RNF24: variants seen among roughly 807,000 people sequenced by gnomAD.
RNF24 encodes the protein ring finger protein 24.
A neutral mutation model predicts 20.0 loss-of-function variants in RNF24; 14 were observed. The ratio of observed to expected loss-of-function variants is 0.70; its 90% CI spans 0.46 to 1.10. The LOEUF (loss-of-function observed/expected upper bound fraction) is 1.10, where lower values mean the gene tolerates loss of function less well. Ranked by LOEUF, RNF24 falls within the 50% of genes least tolerant of loss-of-function variation. The pLI is 0.00. For synonymous variants in RNF24, 45 were observed against 61.1 expected, an observed-to-expected ratio of 0.74 and a Z score of 1.23; for missense variants, 124 against 177.6, an observed-to-expected ratio of 0.70 and a Z score of 1.71.
At chr20:3,939,000 G>A (rs973020670) in intron 4 of RNF24, among the ~76,000 whole-genome samples, 7 of 150,628 alleles carry the variant, frequency 4.6e-5, no homozygotes, top group Admixed American at 1.3e-4. Context: ...CAATCTTCTC[G>A]TCTTGGCCTC....
At chr20:3,994,550 G>A (rs1361355887) in intron 1 of RNF24, among the ~76,000 whole-genome samples, 1 of 152,170 alleles carries the variant, frequency 6.6e-6, no homozygotes, top group Non-Finnish European at 1.5e-5. Flanking sequence ...TGATTAGAAG[G>A]CACTAAATTT....
intron 1 of RNF24, among the ~76,000 whole-genome samples, chr20:3,989,760 T>A (rs922488124): frequency 6.6e-6 from 1 of 152,212 alleles, no homozygotes; most frequent in Non-Finnish European, 1.5e-5. Context: ...TCCAGGCCCC[T>A]CTTTCCCTTA....
At chr20:3,946,076 C>A (rs573979503) in intron 3 of RNF24, among the ~76,000 whole-genome samples, 3 of 152,276 alleles carry the variant, frequency 2.0e-5, no homozygotes, top group Admixed American at 2.0e-4. Context: ...TGTCTTGTGA[C>A]TTGTCTAGTT....
chr20:3,939,466 T>A (rs1206316655), intron 4 of RNF24, among the ~76,000 whole-genome samples: 1 of 152,258 alleles, frequency 6.6e-6, no homozygotes, highest in African/African-American at 2.4e-5. Context: ...CTTTTCCCAC[T>A]GAATTGTCTT....
In RNF24 at chr20:4,015,487, G is replaced by GGCGGGCGGCAGGCT. The variant is rs1305331658; in HGVS notation, c.-72_-59dup. On this transcript the variant is annotated 5_prime_UTR_variant, in exon 1 of 6. Coordinates refer to ENST00000358395, the MANE Select transcript of RNF24 (RefSeq NM_001134337.3). The stretch of plus-strand genomic sequence containing the variant: ...ACGTGCGGGACCGTCAGCGCCCTGC[G>GGCGGGCGGCAGGCT]GCGGGCGGCAGGCTGCGGGCGGCGA... 3.3e-5 allele frequency: 5 copies of GGCGGGCGGCAGGCT among 151,070 alleles called. No homozygotes were observed. The highest frequency in any genetic ancestry group is 5.9e-5 in the Non-Finnish European group (4 of 67,694). 9.4% of individuals were successfully genotyped at this position (151,070 alleles called of 1,614,324 possible). A position where few individuals can be genotyped will look rare whatever the true frequency, so the allele number is the denominator to read the frequency against.
chr20:3,955,631 T>C (rs1026085808), intron 2 of RNF24, among the ~76,000 whole-genome samples: 8 of 152,168 alleles, frequency 5.3e-5, no homozygotes, highest in African/African-American at 1.9e-4. Context: ...TCCAAATGAA[T>C]TTGAGGATTG....
intron 1 of RNF24, among the ~76,000 whole-genome samples, chr20:3,996,413 T>C: frequency 6.6e-6 from 1 of 152,178 alleles, no homozygotes; most frequent in Non-Finnish European, 1.5e-5. Flanking sequence ...CGAATGGACA[T>C]TTCCATTTAG....
chr20:3,946,851 C>T (rs2091024747), intron 3 of RNF24, among the ~76,000 whole-genome samples: 1 of 152,062 alleles, frequency 6.6e-6, no homozygotes, highest in African/African-American at 2.4e-5. Flanking sequence ...GGGAATGTGC[C>T]AGTGAGCTCA....
intron 1 of RNF24, among the ~76,000 whole-genome samples, chr20:3,994,459 C>A (rs2078382): frequency 0.87 from 133,010 of 152,210 alleles, 58,465 homozygotes; most frequent in Non-Finnish European, 0.92. Context: ...AGAGTTATTT[C>A]ATTTGTTTTA....
chr20:3,982,480 G>GGCAGGAGAATCGCCTGAAC (rs1979499133), intron 1 of RNF24, among the ~76,000 whole-genome samples: 1 of 151,562 alleles, frequency 6.6e-6, no homozygotes, highest in Non-Finnish European at 1.5e-5. Flanking sequence ...GGGAGGTTGA[G>GGCAGGAGAATCGCCTGAAC]GCAGGAGAAT....
At chr20:3,994,634 C>T (rs1980717198) in intron 1 of RNF24, among the ~76,000 whole-genome samples, 1 of 152,104 alleles carries the variant, frequency 6.6e-6, no homozygotes, top group South Asian at 2.1e-4. Flanking sequence ...AATTCAAAAC[C>T]AAACCCCTGG....
In RNF24 at chr20:3,933,391, G is replaced by C; in HGVS notation, c.*672C>G. 1 of 393,536 alleles carries C rather than the reference G, an allele frequency of 2.5e-6. No individual in the cohort carries two copies. Among genetic ancestry groups the C allele is most frequent in the Non-Finnish European group, 4.5e-6 (1 of 223,402 alleles). The allele number at this position is 393,536 out of a possible 1,614,324, so 24.4% of individuals were successfully genotyped here. A position where few individuals can be genotyped will look rare whatever the true frequency, so the allele number is the denominator to read the frequency against. ...CTGGGGCTCTGGACGGGCCTTACTG[G>C]TGCATAGGAGAGGGAAATGATAAGA... On this transcript the variant is annotated 3_prime_UTR_variant, in exon 6 of 6. Coordinates refer to ENST00000358395, the MANE Select transcript of RNF24 (RefSeq NM_001134337.3).
At chr20:3,990,597 C>T (rs541144326) in intron 1 of RNF24, among the ~76,000 whole-genome samples, 7 of 152,190 alleles carry the variant, frequency 4.6e-5, no homozygotes, top group African/African-American at 1.4e-4. Context: ...GTGGCTCACA[C>T]CTGTAATCCC....
At position 3,931,621 on chromosome 20, in the gene RNF24, C is replaced by G. The variant is rs41279412; in HGVS notation, c.*2442G>C. On this transcript the variant is annotated 3_prime_UTR_variant, in exon 6 of 6. Transcript: ENST00000358395. ...CTAGGCTTGCTGCAGGAGGATGTCA[C>G]GCTGAGAAAGGGAGATGACTAGGAG... 1 of 152,182 alleles carries G rather than the reference C, an allele frequency of 6.6e-6. No homozygotes were observed. Among genetic ancestry groups the G allele is most frequent in the Admixed American group, 6.5e-5 (1 of 15,274 alleles). 9.4% of individuals were successfully genotyped at this position (152,182 alleles called of 1,614,324 possible).
At position 3,933,558 on chromosome 20, in the gene RNF24, C is replaced by T. The variant is rs567097732; in HGVS notation, c.*505G>A. ...AAAGCCAAGATGGCCTTATCAAAGG[C>T]ATACAACATGAGCCTTGTGGGCACT... On this transcript the variant is annotated 3_prime_UTR_variant, in exon 6 of 6. Coordinates refer to ENST00000358395, the MANE Select transcript of RNF24 (RefSeq NM_001134337.3). The T allele has an allele frequency of 1.2e-3, 226 of 190,218 alleles. 3 individuals carry two copies. Among genetic ancestry groups the T allele is most frequent in the African/African-American group, 4.9e-3 (213 of 43,034 alleles). The allele number at this position is 190,218 out of a possible 1,614,324, so 11.8% of individuals were successfully genotyped here. A position where few individuals can be genotyped will look rare whatever the true frequency, so the allele number is the denominator to read the frequency against.
intron 1 of RNF24, among the ~76,000 whole-genome samples, chr20:3,964,615 C>T (rs572004080): frequency 3.9e-5 from 6 of 152,120 alleles, no homozygotes; most frequent in South Asian, 2.1e-4. Flanking sequence ...CTTAATCTCC[C>T]GGGCTCAAGC....
intron 1 of RNF24, among the ~76,000 whole-genome samples, chr20:4,013,857 A>G (rs998224608): frequency 6.6e-6 from 1 of 152,226 alleles, no homozygotes; most frequent in Non-Finnish European, 1.5e-5. Context: ...GTAAAAGTAT[A>G]TGGGTAAAAA....
At chr20:3,958,842 A>G (rs1269220933) in intron 2 of RNF24, among the ~76,000 whole-genome samples, 1 of 152,224 alleles carries the variant, frequency 6.6e-6, no homozygotes, top group Non-Finnish European at 1.5e-5. Context: ...GGGTTTCACC[A>G]TGTTGGCCAG....
In RNF24 at chr20:3,987,438, C is replaced by T. The variant is rs142559291; in HGVS notation, c.-7-23414G>A. ...TTTTCTGCTGTGAGGAAAATCAAAA[C>T]GCAACAGGACAGCAATACCTCATTT... On this transcript the variant is annotated intron_variant, in intron 1 of 5. Coordinates refer to ENST00000358395, the MANE Select transcript of RNF24 (RefSeq NM_001134337.3). 2.1e-4 allele frequency among the ~76,000 whole-genome samples: 32 copies of T among 152,224 alleles called. No homozygotes were observed. In the East Asian group the frequency reaches 4.6e-3, roughly 22 times the overall value.
Sources: allele counts gnomAD v4.1 joint callset (sites outside exome capture counted in the v4.1 genomes callset), GRCh38; gene constraint gnomAD v4.1.1; transcripts MANE v1.5; gene names NCBI Gene and HGNC (gene_info 2026-07-23, HGNC 2026-07-21).